Variants in PAFAH1B2 observed in about 807,000 individuals in gnomAD.
PAFAH1B2 encodes platelet-activating factor acetylhydrolase IB subunit alpha2.
In PAFAH1B2, 8 loss-of-function variants were observed where a neutral mutation model predicts 28.0. The observed-to-expected ratio is 0.29, with a 90% CI of 0.17 to 0.52. The LOEUF is 0.52. PAFAH1B2 is among the 20% of genes least tolerant of loss of function. PAFAH1B2 has a pLI of 0.97. For synonymous variants in PAFAH1B2, 104 were observed against 103.2 expected (o/e 1.01, Z -0.05); for missense variants, 190 against 282.6 (o/e 0.67, Z 2.35).
chr11:117,174,827 C>T, downstream of PAFAH1B2: 1 of 996,344 alleles, frequency 1.0e-6, no homozygotes, highest in Non-Finnish European at 1.4e-6. Context: ...GTTGGCCAGG[C>T]TGGTCTCAAA....
chr11:117,167,517 G>C lies in PAFAH1B2; in HGVS notation c.508G>C (p.Val170Leu). The C allele has an allele frequency of 6.2e-7, 1 of 1,612,882 alleles. No homozygotes were observed. Among genetic ancestry groups the C allele is most frequent in the Non-Finnish European group, 8.5e-7 (1 of 1,179,248 alleles). ...GGTTTCGCTGCCGAAGCTTGCCAAC[G>C]TGCAGCTCCTGGATACCGACGGGGG... is the stretch of plus-strand genomic sequence containing the variant. ...LKVSLPKLAN[V>L]QLLDTDGGFV... The change falls in exon 6 of 6, where the codon GTG (valine) becomes CTG (leucine). Residue 170 changes from valine (V) to leucine (L), a missense_variant. Transcript: ENST00000527958.
Position 117,168,905 on chromosome 11 carries a change from C to T in PAFAH1B2, c.*1206C>T, listed in dbSNP as rs1363310597. The stretch of plus-strand genomic sequence containing the variant: ...TCCCGAGTTCAAATGATTCTCCTGC[C>T]TCAGCTTCCTGAGTAGCTGGGATTA... On this transcript the variant is annotated 3_prime_UTR_variant, in exon 6 of 6. Transcript: ENST00000527958. 2 of 334,466 alleles carry T rather than the reference C, an allele frequency of 6.0e-6. No individual in the cohort carries two copies. Among genetic ancestry groups the T allele is most frequent in the South Asian group, 1.2e-4 (1 of 8,006 alleles). The allele number at this position is 334,466 out of a possible 1,614,324, so 20.7% of individuals were successfully genotyped here.
At chr11:117,149,133 T>G (rs1486522284) in intron 1 of PAFAH1B2, among the ~76,000 whole-genome samples, 1 of 150,498 alleles carries the variant, frequency 6.6e-6, no homozygotes, top group African/African-American at 2.4e-5. Flanking sequence ...TCTACCTGCC[T>G]CGGGCTCCCA....
chr11:117,153,294 A>G (rs1433868546), intron 2 of PAFAH1B2, among the ~76,000 whole-genome samples: 3 of 152,186 alleles, frequency 2.0e-5, no homozygotes, highest in Non-Finnish European at 2.9e-5. Context: ...AGAAAGAAGT[A>G]TCTTCATCTA....
chr11:117,160,038 G>C lies in PAFAH1B2; in HGVS notation c.171+15G>C, dbSNP rs769300568. Reference sequence around the variant, plus strand: ...AGCAATATGAGGTAAAGGTGGAAGGGATGAGCGTGGTTCTTGGCTACTCAT... The same window carrying C: ...AGCAATATGAGGTAAAGGTGGAAGGCATGAGCGTGGTTCTTGGCTACTCAT... On this transcript the variant is annotated intron_variant, in intron 3 of 5. Transcript: ENST00000527958. 1 of 1,575,826 alleles carries C rather than the reference G, an allele frequency of 6.3e-7. No individual in the cohort carries two copies. The highest frequency in any genetic ancestry group is 1.7e-5 in the Admixed American group (1 of 59,972).
intron 1 of PAFAH1B2, among the ~76,000 whole-genome samples, chr11:117,151,233 CTTT>C (rs11449159): frequency 2.2e-5 from 3 of 133,962 alleles, no homozygotes; most frequent in Non-Finnish European, 1.6e-5. Context: ...TTTTCTTTTT[CTTT>C]TTTTTTTTTT....
intron 5 of PAFAH1B2, 153 bp downstream of exon 5, chr11:117,164,045 C>A: frequency 2.8e-6 from 2 of 726,142 alleles, no homozygotes; most frequent in Non-Finnish European, 2.3e-6. Flanking sequence ...ATTTTACTGT[C>A]TTACTGGTTT....
intron 2 of PAFAH1B2, among the ~76,000 whole-genome samples, chr11:117,157,600 A>G (rs1002878920): frequency 2.6e-5 from 4 of 152,202 alleles, no homozygotes; most frequent in Non-Finnish European, 4.4e-5. Context: ...TCCTAAGGGA[A>G]ACAAAGTTGA....
rs183558724 is a variant in PAFAH1B2 at position 117,170,602 on chromosome 11, C to T, written c.*2903C>T. 2.7e-5 allele frequency: 28 copies of T among 1,049,116 alleles called. No homozygotes were observed. The highest frequency in any genetic ancestry group is 5.8e-5 in the Admixed American group (1 of 17,212). 65.0% of individuals were successfully genotyped at this position (1,049,116 alleles called of 1,614,324 possible). On this transcript the variant is annotated 3_prime_UTR_variant, in exon 6 of 6. Coordinates refer to ENST00000527958, the MANE Select transcript of PAFAH1B2 (RefSeq NM_002572.4). ...AAACAAATCTTGAGTAGCTCATGCC[C>T]GGCTCTTAGGAATTTTGTCTGTTTA... is the stretch of plus-strand genomic sequence containing the variant.
intron 5 of PAFAH1B2, among the ~76,000 whole-genome samples, chr11:117,166,377 ATTC>A (rs758218400): frequency 6.6e-6 from 1 of 152,126 alleles, no homozygotes; most frequent in Non-Finnish European, 1.5e-5. Flanking sequence ...AGCCTTCCAT[ATTC>A]TTTGTTTTTA....
intron 1 of PAFAH1B2, among the ~76,000 whole-genome samples, chr11:117,145,423 T>C (rs893980192): frequency 1.6e-5 from 2 of 128,742 alleles, no homozygotes; most frequent in African/African-American, 6.1e-5. Flanking sequence ...TTGTACAGCT[T>C]GAAATTATGG....
chr11:117,170,204 T>A lies in PAFAH1B2; in HGVS notation c.*2505T>A, dbSNP rs1296607441. The A allele has an allele frequency of 8.5e-6, 9 of 1,058,070 alleles. No individual in the cohort carries two copies. Among genetic ancestry groups the A allele is most frequent in the African/African-American group, 3.3e-5 (2 of 60,600 alleles). The allele number at this position is 1,058,070 out of a possible 1,614,324, so 65.5% of individuals were successfully genotyped here. On this transcript the variant is annotated 3_prime_UTR_variant, in exon 6 of 6. Transcript: ENST00000527958. Reference sequence around the variant, plus strand: ...CTTACTGCTTAGTCTTTGTACTTTTTAAAAAATCTATAAATTTAATGCACT... The same window carrying A: ...CTTACTGCTTAGTCTTTGTACTTTTAAAAAAATCTATAAATTTAATGCACT...
chr11:117,175,883 A>G, downstream of PAFAH1B2: 1 of 1,535,082 alleles, frequency 6.5e-7, no homozygotes, highest in Non-Finnish European at 8.7e-7. Flanking sequence ...GCAATGTATC[A>G]CGAGTGTTTC....
chr11:117,166,921 A>G lies in PAFAH1B2; in HGVS notation c.412-500A>G, dbSNP rs1410731574. Among the ~76,000 whole-genome samples, 24 of 152,246 alleles carry G rather than the reference A, an allele frequency of 1.6e-4. 1 individual carries two copies. Among genetic ancestry groups the G allele is most frequent in the Admixed American group, 1.6e-3 (24 of 15,272 alleles). ...AAGTTCCTGAGCTATAGCAGTGTAT[A>G]TAATCAGGATGGAGACAAGAAAATG... is the stretch of plus-strand genomic sequence containing the variant. On this transcript the variant is annotated intron_variant, in intron 5 of 5. Transcript: ENST00000527958.
At chr11:117,144,964 C>T (rs1200004475) in intron 1 of PAFAH1B2, among the ~76,000 whole-genome samples, 3 of 152,220 alleles carry the variant, frequency 2.0e-5, no homozygotes, top group Non-Finnish European at 4.4e-5. Flanking sequence ...TTCCCTCCTC[C>T]TTTTGTTGAA....
At chr11:117,146,430 C>G (rs187583122) in intron 1 of PAFAH1B2, among the ~76,000 whole-genome samples, 36 of 152,146 alleles carry the variant, frequency 2.4e-4, no homozygotes, top group African/African-American at 8.4e-4. Context: ...GCTCTTAGTT[C>G]GTTCTTATTT....
Position 117,168,300 on chromosome 11 carries a change from C to T in PAFAH1B2, c.*601C>T. 2.8e-6 allele frequency: 3 copies of T among 1,063,826 alleles called. No individual in the cohort carries two copies. The highest frequency in any genetic ancestry group is 3.4e-6 in the Non-Finnish European group (3 of 878,398). The allele number at this position is 1,063,826 out of a possible 1,614,324, so 65.9% of individuals were successfully genotyped here. A position where few individuals can be genotyped will look rare whatever the true frequency, so the allele number is the denominator to read the frequency against. The stretch of plus-strand genomic sequence containing the variant: ...CTTTTCCATGCTTAGCAGTGAAAAA[C>T]AGGTTTTGCCCCAGTAGAGGGATTC... On this transcript the variant is annotated 3_prime_UTR_variant, in exon 6 of 6. Transcript: ENST00000527958.
At chr11:117,150,989 G>GAA (rs373735449) in intron 1 of PAFAH1B2, among the ~76,000 whole-genome samples, 9 of 98,166 alleles carry the variant, frequency 9.2e-5, no homozygotes, top group Non-Finnish European at 1.5e-4. Context: ...CTCCATCTCA[G>GAA]AAAAAAAAAA....
In PAFAH1B2 at chr11:117,168,555, C is replaced by G. The variant is rs1956574417; in HGVS notation, c.*856C>G. 1.9e-6 allele frequency: 2 copies of G among 1,043,532 alleles called. No homozygotes were observed. The highest frequency in any genetic ancestry group is 2.3e-6 in the Non-Finnish European group (2 of 869,218). The allele number at this position is 1,043,532 out of a possible 1,614,324, so 64.6% of individuals were successfully genotyped here. On this transcript the variant is annotated 3_prime_UTR_variant, in exon 6 of 6. Coordinates refer to ENST00000527958, the MANE Select transcript of PAFAH1B2 (RefSeq NM_002572.4). ...GAAGTATAGTCTCCAGCCAGTTACT[C>G]TCATGATAGTACTGCTATAAAACTC...
Sources: gnomAD v4.1 joint callset for allele counts (sites outside exome capture counted in the v4.1 genomes callset) on GRCh38, gnomAD v4.1.1 for gene constraint, MANE v1.5 for transcripts, NCBI Gene and HGNC (gene_info 2026-07-23, HGNC 2026-07-21) for gene names.